FGF12: variants seen among roughly 807,000 people sequenced by gnomAD.
FGF12 encodes the protein fibroblast growth factor 12B.
FGF12 carries 14 observed loss-of-function variants against 23.6 expected under a neutral mutation model. The observed-to-expected ratio is 0.59, with a 90% CI of 0.39 to 0.93. The LOEUF is 0.93. Among genes scored for constraint, FGF12 ranks in the 40% least tolerant of loss-of-function variants. The pLI, the probability that FGF12 is intolerant of heterozygous loss-of-function variation, is 0.00. For synonymous variants in FGF12, 62 were observed against 77.3 expected, an observed-to-expected ratio of 0.80 and a Z score of 1.04; for missense variants, 175 against 217.8, an observed-to-expected ratio of 0.80 and a Z score of 1.24.
At chr3:192,536,905 T>C (rs777842104) in intron 2 of FGF12, among the ~76,000 whole-genome samples, 2 of 152,178 alleles carry the variant, frequency 1.3e-5, no homozygotes, top group Non-Finnish European at 2.9e-5. Flanking sequence ...TTATTCATTC[T>C]TTCCAACTAC....
intron 5 of FGF12, among the ~76,000 whole-genome samples, chr3:192,167,771 A>ATTTTTTTTTTT (rs1560175808): frequency 9.4e-5 from 2 of 21,312 alleles, no homozygotes; most frequent in Admixed American, 6.2e-4. Flanking sequence ...ATATATATAA[A>ATTTTTTTTTTT]ATTTTTTTTT....
At chr3:192,379,421 TAAAA>T (rs74271639) in intron 2 of FGF12, among the ~76,000 whole-genome samples, 5 of 96,318 alleles carry the variant, frequency 5.2e-5, no homozygotes, top group African/African-American at 1.0e-4. Flanking sequence ...GAAACTGCTC[TAAAA>T]AAAAAAAAAA....
At chr3:192,640,376 G>A (rs535245614) in intron 2 of FGF12, among the ~76,000 whole-genome samples, 24 of 152,120 alleles carry the variant, frequency 1.6e-4, no homozygotes, top group Admixed American at 5.9e-4. Context: ...AAATAAAAGA[G>A]TGAAATAAAA....
At chr3:192,255,002 T>C (rs1002758673) in intron 4 of FGF12, among the ~76,000 whole-genome samples, 3 of 152,080 alleles carry the variant, frequency 2.0e-5, no homozygotes, top group Admixed American at 6.6e-5. Context: ...GGATGTGAAC[T>C]AGTAGGAAGA....
intron 2 of FGF12, among the ~76,000 whole-genome samples, chr3:192,394,202 T>C (rs1361873950): frequency 6.6e-6 from 1 of 152,150 alleles, no homozygotes; most frequent in Non-Finnish European, 1.5e-5. Flanking sequence ...CAAATACTAG[T>C]TCCACTATAT....
chr3:192,670,114 C>T (rs1454189880), intron 2 of FGF12, among the ~76,000 whole-genome samples: 1 of 152,092 alleles, frequency 6.6e-6, no homozygotes, highest in African/African-American at 2.4e-5. Context: ...TTTTAGTATA[C>T]CTCAACCAAA....
intron 4 of FGF12, among the ~76,000 whole-genome samples, chr3:192,330,092 A>G (rs575955984): frequency 1.2e-4 from 18 of 152,200 alleles, no homozygotes; most frequent in Non-Finnish European, 2.2e-4. Flanking sequence ...AACATTGTCA[A>G]AAGAAATCCC....
chr3:192,535,946 A>T (rs1725213090), intron 2 of FGF12, among the ~76,000 whole-genome samples: 1 of 152,216 alleles, frequency 6.6e-6, no homozygotes, highest in Non-Finnish European at 1.5e-5. Flanking sequence ...CAAAAGAAAG[A>T]CATCTAACCA....
chr3:192,217,270 T>G (rs1467272063), intron 4 of FGF12, among the ~76,000 whole-genome samples: 1 of 152,216 alleles, frequency 6.6e-6, no homozygotes, highest in Non-Finnish European at 1.5e-5. Flanking sequence ...GCCCAACACC[T>G]TAAGCGCTAT....
rs1724578228 is a variant in FGF12 at position 192,514,102 on chromosome 3, C to T, written c.14-153564G>A. Among the ~76,000 whole-genome samples the T allele has an allele frequency of 6.6e-6, 1 of 152,052 alleles. No individual in the cohort carries two copies. The highest frequency in any genetic ancestry group is 2.4e-5 in the African/African-American group (1 of 41,374). On this transcript the variant is annotated intron_variant, in intron 2 of 5. Transcript: ENST00000445105. This position sits in a 1 kb window ranked among gnomAD's most constrained non-coding sequence, Gnocchi z 4.9. ...CTCCGTGTAGTCTTTCCCAGGGCACCCGGTTGAAGCCCAAGGCTAACTGGG... is the reference window on the plus strand; with the variant it reads ...CTCCGTGTAGTCTTTCCCAGGGCACTCGGTTGAAGCCCAAGGCTAACTGGG...
chr3:192,673,742 G>A (rs955633267), intron 2 of FGF12, among the ~76,000 whole-genome samples: 3 of 151,194 alleles, frequency 2.0e-5, no homozygotes, highest in Non-Finnish European at 3.0e-5. Context: ...TGGCTGCATA[G>A]TATTCCATGG....
intron 2 of FGF12, among the ~76,000 whole-genome samples, chr3:192,420,834 G>T (rs73064270): frequency 6.6e-6 from 1 of 151,982 alleles, no homozygotes; most frequent in South Asian, 2.1e-4. Context: ...CAAAAAGAAA[G>T]AAATACGTAA....
intron 2 of FGF12, among the ~76,000 whole-genome samples, chr3:192,668,005 A>G (rs1018693688): frequency 1.3e-5 from 2 of 152,224 alleles, no homozygotes; most frequent in Non-Finnish European, 2.9e-5. Context: ...GGTTAGCTAT[A>G]AAGATGTTCA....
chr3:192,703,327 A>AC (rs577361392), intron 2 of FGF12, among the ~76,000 whole-genome samples: 86 of 152,368 alleles, frequency 5.6e-4, no homozygotes, highest in African/African-American at 2.0e-3. Context: ...TATGTCTAAA[A>AC]AATAATGTAC....
intron 2 of FGF12, among the ~76,000 whole-genome samples, chr3:192,634,162 A>G (rs62293051): frequency 3.3e-5 from 5 of 151,000 alleles, no homozygotes; most frequent in Non-Finnish European, 7.4e-5. Flanking sequence ...TCTCTCTTTC[A>G]TCTTTTTCTT....
chr3:192,485,280 T>C (rs1723602664), intron 2 of FGF12, among the ~76,000 whole-genome samples: 1 of 152,212 alleles, frequency 6.6e-6, no homozygotes, highest in Non-Finnish European at 1.5e-5. Context: ...TTCTGGTTTG[T>C]ATTATATGTT....
chr3:192,678,224 T>C lies in FGF12; in HGVS notation c.13+48957A>G, dbSNP rs564476941. ...CTTGTGAGGTAGGTACTCTTACTAT[T>C]CCCACCTCACAGGTGAGGAACACAG... On this transcript the variant is annotated intron_variant, in intron 2 of 5. Transcript: ENST00000445105. 8.5e-5 allele frequency among the ~76,000 whole-genome samples: 13 copies of C among 152,320 alleles called. No individual in the cohort carries two copies. In the South Asian group the frequency reaches 2.7e-3, roughly 32 times the overall value.
intron 4 of FGF12, among the ~76,000 whole-genome samples, chr3:192,319,735 CTT>C (rs1295765219): frequency 1.8e-4 from 27 of 152,204 alleles, no homozygotes; most frequent in African/African-American, 6.3e-4. Context: ...TTAGTTGTCT[CTT>C]TGCTTCTTTG....
intron 4 of FGF12, among the ~76,000 whole-genome samples, chr3:192,172,790 G>A (rs1715638798): frequency 6.6e-6 from 1 of 150,894 alleles, no homozygotes; most frequent in Admixed American, 6.6e-5. Flanking sequence ...CCACTTTTAG[G>A]TATAGTTCTA....
Sources: gnomAD v4.1 joint callset for allele counts (sites outside exome capture counted in the v4.1 genomes callset) on GRCh38, gnomAD v4.1.1 for gene constraint, Gnocchi (gnomAD v3.1) non-coding constraint, MANE v1.5 for transcripts, NCBI Gene and HGNC (gene_info 2026-07-23, HGNC 2026-07-21) for gene names.